Variants in SPIDR observed in about 807,000 individuals in gnomAD.
SPIDR encodes DNA repair-scaffolding protein.
A neutral mutation model predicts 104.6 loss-of-function variants in SPIDR; 93 were observed. That is an observed-to-expected ratio of 0.89 (90% CI 0.75 to 1.06). SPIDR has a LOEUF of 1.06. SPIDR is among the 50% of genes least tolerant of loss of function. The pLI is 0.00. For missense variants in SPIDR, 1,154 were observed against 1,111.2 expected, an observed-to-expected ratio of 1.04 and a Z score of -0.55; for synonymous variants, 431 against 416.9, an observed-to-expected ratio of 1.03 and a Z score of -0.41.
At chr8:47,687,145 T>C (rs765362837) in intron 11 of SPIDR, among the ~76,000 whole-genome samples, 3 of 152,206 alleles carry the variant, frequency 2.0e-5, no homozygotes, top group Non-Finnish European at 2.9e-5. Flanking sequence ...GATGAAGCCA[T>C]TGAACCTGGA....
intron 5 of SPIDR, chr8:47,360,923 A>T: frequency 1.0e-6 from 1 of 985,380 alleles, no homozygotes; most frequent in Non-Finnish European, 1.2e-6. Context: ...TAAGACTTTG[A>T]TTCAACCAGT....
At chr8:47,717,229 C>T (rs747881391) in intron 16 of SPIDR, among the ~76,000 whole-genome samples, 2 of 152,152 alleles carry the variant, frequency 1.3e-5, no homozygotes, top group Non-Finnish European at 2.9e-5. Context: ...ATAAGGACAT[C>T]CCTTCCACCT....
intron 5 of SPIDR, among the ~76,000 whole-genome samples, chr8:47,362,877 T>G (rs574847153): frequency 8.5e-5 from 13 of 152,288 alleles, no homozygotes; most frequent in African/African-American, 3.1e-4. Flanking sequence ...GGTCTTGAAC[T>G]CCTAACTTCA....
chr8:47,291,138 G>A lies in SPIDR; in HGVS notation c.361+1G>A, dbSNP rs1176524140. 1.9e-6 allele frequency: 3 copies of A among 1,600,494 alleles called. No individual in the cohort carries two copies. Among genetic ancestry groups the A allele is most frequent in the Non-Finnish European group, 2.6e-6 (3 of 1,169,680 alleles). On this transcript the variant is annotated splice_donor_variant, in intron 4 of 19. Coordinates refer to ENST00000297423, the MANE Select transcript of SPIDR (RefSeq NM_001080394.4). LOFTEE classifies it high-confidence loss of function. ...AAGACACTTTCTCAGTTACAGAGAG[G>A]TAATGGACATTGCTCTAGAATAGAC...
chr8:47,329,129 G>C (rs1213125446), intron 5 of SPIDR, among the ~76,000 whole-genome samples: 4 of 151,100 alleles, frequency 2.6e-5, no homozygotes, highest in Non-Finnish European at 5.9e-5. Flanking sequence ...GGAGTGCAGT[G>C]GTGTAATCTC....
intron 8 of SPIDR, among the ~76,000 whole-genome samples, chr8:47,526,998 CCAG>C (rs1224540217): frequency 6.6e-6 from 1 of 152,146 alleles, no homozygotes; most frequent in Non-Finnish European, 1.5e-5. Flanking sequence ...TCACACATTG[CCAG>C]AGGCTCGGTG....
chr8:47,411,024 GTA>G (rs1328643095), intron 7 of SPIDR, among the ~76,000 whole-genome samples: 1 of 152,188 alleles, frequency 6.6e-6, no homozygotes, highest in Admixed American at 6.5e-5. Flanking sequence ...ATTTCATGGT[GTA>G]TATATGCCAC....
intron 10 of SPIDR, among the ~76,000 whole-genome samples, chr8:47,615,224 AGTTTTAT>A (rs2064130413): frequency 6.6e-6 from 1 of 151,908 alleles, no homozygotes; most frequent in South Asian, 2.1e-4. Context: ...TGCCCAGCCA[AGTTTTAT>A]GTTTGATGAC....
intron 5 of SPIDR, among the ~76,000 whole-genome samples, chr8:47,370,017 A>C (rs1554637606): frequency 7.8e-6 from 1 of 128,034 alleles, no homozygotes; most frequent in South Asian, 2.4e-4. Context: ...CATTTTCTTT[A>C]TTTTCTGCAC....
At chr8:47,571,591 CATT>C (rs2058532707) in intron 8 of SPIDR, among the ~76,000 whole-genome samples, 1 of 152,064 alleles carries the variant, frequency 6.6e-6, no homozygotes, top group South Asian at 2.1e-4. Flanking sequence ...AAAATACAAA[CATT>C]ATAGCAATAA....
intron 7 of SPIDR, among the ~76,000 whole-genome samples, chr8:47,417,927 T>A (rs1554676589): frequency 6.6e-6 from 1 of 152,182 alleles, no homozygotes; most frequent in African/African-American, 2.4e-5. Flanking sequence ...AAAGATCAGA[T>A]AGTTGTAGAT....
At chr8:47,584,990 G>C (rs961638882) in intron 8 of SPIDR, among the ~76,000 whole-genome samples, 2 of 151,626 alleles carry the variant, frequency 1.3e-5, no homozygotes, top group African/African-American at 4.9e-5. Context: ...AGTTTGTATT[G>C]GAAAAATTAT....
rs1228596043 is a variant in SPIDR at position 47,351,169 on chromosome 8, A to G, written c.526-45207A>G. On this transcript the variant is annotated intron_variant, in intron 5 of 19. Transcript: ENST00000297423. ...GCTGGCATGTTGTTACAATCGTTCT[A>G]TTATTATGTTGTTAATCTCTTTACT... Among the ~76,000 whole-genome samples the G allele has an allele frequency of 2.0e-5, 3 of 152,150 alleles. No homozygotes were observed. The East Asian group carries it at 5.8e-4, about 29-fold the overall frequency.
chr8:47,437,193 G>A (rs1026544008), intron 7 of SPIDR, among the ~76,000 whole-genome samples: 2 of 151,372 alleles, frequency 1.3e-5, no homozygotes, highest in Admixed American at 6.6e-5. Flanking sequence ...CGCTGCACCC[G>A]CTAACTCGTC....
chr8:47,654,217 G>A, intron 10 of SPIDR: 1 of 1,266,290 alleles, frequency 7.9e-7, no homozygotes, highest in Admixed American at 2.3e-5. Context: ...GGAGGGGTTA[G>A]AAGAAAGGAA....
chr8:47,460,379 A>G (rs2154352789), intron 8 of SPIDR, among the ~76,000 whole-genome samples: 1 of 152,116 alleles, frequency 6.6e-6, no homozygotes, highest in East Asian at 1.9e-4. Flanking sequence ...GGCCTTTTAT[A>G]TTAGGTTGGT....
intron 8 of SPIDR, among the ~76,000 whole-genome samples, chr8:47,443,485 C>G (rs1388107341): frequency 6.7e-6 from 1 of 149,016 alleles, no homozygotes; most frequent in East Asian, 2.0e-4. Context: ...GTGAAAGAAT[C>G]GCTTGAGCCC....
chr8:47,499,465 A>T (rs1267624185), intron 8 of SPIDR, among the ~76,000 whole-genome samples: 1 of 152,136 alleles, frequency 6.6e-6, no homozygotes, highest in Non-Finnish European at 1.5e-5. Flanking sequence ...TGGCTTCATT[A>T]AAACATTTGA....
chr8:47,733,581 G>A (rs1249864891), intron 19 of SPIDR, among the ~76,000 whole-genome samples: 1 of 151,028 alleles, frequency 6.6e-6, no homozygotes, highest in Non-Finnish European at 1.5e-5. Context: ...ACACCAGAAG[G>A]GTGTCCAGCG....
Sources: allele counts gnomAD v4.1 joint callset (sites outside exome capture counted in the v4.1 genomes callset), GRCh38; gene constraint gnomAD v4.1.1; transcripts MANE v1.5; gene names NCBI Gene and HGNC (gene_info 2026-07-23, HGNC 2026-07-21).